The following CACNA1B variants were observed in gnomAD, a reference collection of about 807,000 sequenced individuals.
CACNA1B encodes calcium voltage-gated channel subunit alpha1 B, also known as voltage-dependent N-type calcium channel subunit alpha-1B.
CACNA1B carries 70 observed loss-of-function variants against 247.2 expected under a neutral mutation model. The ratio of observed to expected loss-of-function variants is 0.28; its 90% CI spans 0.23 to 0.35. The LOEUF (loss-of-function observed/expected upper bound fraction) is 0.35. Ranked by LOEUF, CACNA1B falls within the 10% of genes least tolerant of loss-of-function variation. CACNA1B has a pLI of 1.00. For missense variants in CACNA1B, 2,367 were observed against 3,197.4 expected (o/e 0.74, Z 6.26); for synonymous variants, 1,231 against 1,294.4 (o/e 0.95, Z 1.05).
At position 137,954,276 on chromosome 9, in the gene CACNA1B, G is replaced by A. The variant is rs1223720021; in HGVS notation, c.1071-1422G>A. 2.6e-5 allele frequency among the ~76,000 whole-genome samples: 4 copies of A among 152,180 alleles called. No individual in the cohort carries two copies. The highest frequency in any genetic ancestry group is 1.9e-4 in the East Asian group (1 of 5,182). ...AGCCTTGCTCTGTGGGAAAAGCCGC[G>A]GCTCTGCCATGTCTGGGCGAGAGCT... On this transcript the variant is annotated intron_variant, in intron 7 of 46. Coordinates refer to ENST00000371372, the MANE Select transcript of CACNA1B (RefSeq NM_000718.4). The surrounding 1 kb of genome is among the most constrained non-coding windows in gnomAD (Gnocchi z 4.1).
intron 32 of CACNA1B, among the ~76,000 whole-genome samples, chr9:138,071,561 C>G (rs892069701): frequency 6.6e-6 from 1 of 152,176 alleles, no homozygotes; most frequent in African/African-American, 2.4e-5. Context: ...CCGTCTCCTG[C>G]CCCCAGCCTC....
chr9:138,122,071 CG>C lies in CACNA1B; in HGVS notation c.*76del. ...CAGTGGATGAGTTTTATCATCCACA[CG>C]GGGCAGCCGGCCCTCGGGGGAGGCC... On this transcript the variant is annotated 3_prime_UTR_variant, in exon 47 of 47. Coordinates refer to ENST00000371372, the MANE Select transcript of CACNA1B (RefSeq NM_000718.4). 1.4e-6 allele frequency: 2 copies of C among 1,383,322 alleles called. No homozygotes were observed. The highest frequency in any genetic ancestry group is 1.9e-6 in the Non-Finnish European group (2 of 1,032,002). 85.7% of individuals were successfully genotyped at this position (1,383,322 alleles called of 1,614,324 possible). A position where few individuals can be genotyped will look rare whatever the true frequency, so the allele number is the denominator to read the frequency against.
At position 138,123,777 on chromosome 9, in the gene CACNA1B, C is replaced by T. The variant is rs1478193958; in HGVS notation, c.*1778C>T. On this transcript the variant is annotated 3_prime_UTR_variant, in exon 47 of 47. Coordinates refer to ENST00000371372, the MANE Select transcript of CACNA1B (RefSeq NM_000718.4). ...AATTTCCTTACCTGAAGGCACAACACTCTGAAACTTTAAAGATAACAGAGT... is the reference window on the plus strand; with the variant it reads ...AATTTCCTTACCTGAAGGCACAACATTCTGAAACTTTAAAGATAACAGAGT... 1.1e-4 allele frequency: 17 copies of T among 152,176 alleles called. No homozygotes were observed. The highest frequency in any genetic ancestry group is 1.1e-3 in the Admixed American group (17 of 15,278). 9.4% of individuals were successfully genotyped at this position (152,176 alleles called of 1,614,324 possible).
intron 26 of CACNA1B, among the ~76,000 whole-genome samples, chr9:138,055,936 G>A (rs922150744): frequency 1.4e-4 from 21 of 151,934 alleles, no homozygotes; most frequent in Non-Finnish European, 2.1e-4. Flanking sequence ...TGAGGCAGGC[G>A]AATCGCTTGA....
In CACNA1B at chr9:137,891,779, T is replaced by C; in HGVS notation, c.530+8896T>C. On this transcript the variant is annotated intron_variant, in intron 3 of 46. Transcript: ENST00000371372. The surrounding 1 kb of genome is among the most constrained non-coding windows in gnomAD (Gnocchi z 4.3). Reference sequence around the variant, plus strand: ...TGGAGGGGCCTCCACCCTGCGTGCCTGTGTGCAGCCCCACACGTGCTGAAG... The same window carrying C: ...TGGAGGGGCCTCCACCCTGCGTGCCCGTGTGCAGCCCCACACGTGCTGAAG... 3.0e-6 allele frequency: 1 copy of C among 337,410 alleles called. No homozygotes were observed. Among genetic ancestry groups the C allele is most frequent in the Non-Finnish European group, 5.9e-6 (1 of 170,234 alleles). 20.9% of individuals were successfully genotyped at this position (337,410 alleles called of 1,614,324 possible). A position where few individuals can be genotyped will look rare whatever the true frequency, so the allele number is the denominator to read the frequency against.
At chr9:137,906,040 C>T (rs1490321650) in intron 3 of CACNA1B, among the ~76,000 whole-genome samples, 1 of 152,180 alleles carries the variant, frequency 6.6e-6, no homozygotes, top group Non-Finnish European at 1.5e-5. Flanking sequence ...CTCAGAGGCC[C>T]AGTGGGCTGC....
At chr9:138,107,218 T>TTTTA (rs56043117) in intron 39 of CACNA1B, among the ~76,000 whole-genome samples, 42,997 of 135,358 alleles carry the variant, frequency 0.32, 7,686 homozygotes, top group South Asian at 0.38. Flanking sequence ...AATCATCTTA[T>TTTTA]TTTATTTATT....
intron 18 of CACNA1B, 91 bp from the exon 19 acceptor site, chr9:138,022,920 T>C: frequency 7.2e-7 from 1 of 1,379,408 alleles, no homozygotes; most frequent in Non-Finnish European, 9.3e-7. Flanking sequence ...CCCTGCGCCA[T>C]TACTCCATTG....
chr9:138,078,536 T>G (rs1313261469), intron 36 of CACNA1B, among the ~76,000 whole-genome samples: 2 of 152,224 alleles, frequency 1.3e-5, no homozygotes, highest in African/African-American at 2.4e-5. Flanking sequence ...TAGAAGGTCA[T>G]CCACTGTGGT....
At chr9:137,879,023 G>A (rs775231789) in intron 1 of CACNA1B, 31 bp from the exon 2 acceptor site, 3 of 1,442,812 alleles carry the variant, frequency 2.1e-6, no homozygotes, top group East Asian at 4.7e-5. Context: ...CCTCCGTGCG[G>A]CGTCTGCCGG....
chr9:138,102,458 C>A lies in CACNA1B; in HGVS notation c.5223-253C>A, dbSNP rs1305233293. On this transcript the variant is annotated intron_variant, in intron 37 of 46. Coordinates refer to ENST00000371372, the MANE Select transcript of CACNA1B (RefSeq NM_000718.4). The surrounding 1 kb of genome is among the most constrained non-coding windows in gnomAD (Gnocchi z 5.4). ...CTCAGACGCCACCCCCGCCCACTGC[C>A]CCGCGTGGGGCTGGAGTGAGGAGGT... 6.6e-6 allele frequency among the ~76,000 whole-genome samples: 1 copy of A among 152,160 alleles called. No individual in the cohort carries two copies. The highest frequency in any genetic ancestry group is 2.4e-5 in the African/African-American group (1 of 41,444).
intron 42 of CACNA1B, among the ~76,000 whole-genome samples, chr9:138,117,340 G>A (rs1347413602): frequency 1.3e-5 from 2 of 152,104 alleles, no homozygotes; most frequent in African/African-American, 4.8e-5. Flanking sequence ...CCTGAGGGAG[G>A]AAGCCCCTAG....
chr9:137,994,762 A>G lies in CACNA1B; in HGVS notation c.1974+7908A>G, dbSNP rs112243482. On this transcript the variant is annotated intron_variant, in intron 15 of 46. Coordinates refer to ENST00000371372, the MANE Select transcript of CACNA1B (RefSeq NM_000718.4). ...CCATGTTCATGTATGGGTAGAATCA[A>G]TATTGTGAAAATGACTATACTGCCA... is the stretch of plus-strand genomic sequence containing the variant. Among the ~76,000 whole-genome samples the G allele has an allele frequency of 9.5e-3, 1,441 of 152,380 alleles. 8 individuals are homozygous for G. The highest frequency in any genetic ancestry group is 0.012 in the South Asian group (58 of 4,830).
chr9:138,036,796 GCTT>G (rs1382031076), intron 20 of CACNA1B, among the ~76,000 whole-genome samples: 2 of 152,086 alleles, frequency 1.3e-5, no homozygotes, highest in Admixed American at 6.5e-5. Context: ...TTTCACTTAC[GCTT>G]CTTCTTGCTT....
intron 39 of CACNA1B, 124 bp from the exon 40 acceptor site, chr9:138,112,274 C>G (rs1173361060): frequency 1.4e-6 from 1 of 689,726 alleles, no homozygotes; most frequent in East Asian, 2.7e-5. Context: ...CCAGCACCGT[C>G]TGTACCCCAT....
Position 137,914,588 on chromosome 9 carries a change from C to A in CACNA1B, c.623-66C>A. 2 of 1,386,686 alleles carry A rather than the reference C, an allele frequency of 1.4e-6. No homozygotes were observed. Among genetic ancestry groups the A allele is most frequent in the Non-Finnish European group, 2.0e-6 (2 of 987,608 alleles). The allele number at this position is 1,386,686 out of a possible 1,614,324, so 85.9% of individuals were successfully genotyped here. A position where few individuals can be genotyped will look rare whatever the true frequency, so the allele number is the denominator to read the frequency against. On this transcript the variant is annotated intron_variant, in intron 4 of 46. Transcript: ENST00000371372. The surrounding 1 kb of genome is among the most constrained non-coding windows in gnomAD (Gnocchi z 4.3). ...CTAGGTTCCTGCTGTTCTGTCCCTG[C>A]CCCCACCAAATTCCTTGCCCTACCC...
chr9:137,926,687 T>A (rs2133298663), intron 6 of CACNA1B, among the ~76,000 whole-genome samples: 1 of 152,374 alleles, frequency 6.6e-6, no homozygotes, highest in Admixed American at 6.5e-5. Context: ...TTTCTGCACA[T>A]CCTCACCAAT....
rs1182934485 is a variant in CACNA1B at position 138,051,448 on chromosome 9, T to C, written c.3711-644T>C. ...GGTAGCATTGATATGTCTGTCTCTA[T>C]GGCTCTCCCTCCCTCCCTCCCTCCC... On this transcript the variant is annotated intron_variant, in intron 24 of 46. Transcript: ENST00000371372. This position sits in a 1 kb window ranked among gnomAD's most constrained non-coding sequence, Gnocchi z 4.3. 6.6e-6 allele frequency among the ~76,000 whole-genome samples: 1 copy of C among 151,272 alleles called. No individual in the cohort carries two copies. The highest frequency in any genetic ancestry group is 2.4e-5 in the African/African-American group (1 of 40,888).
intron 6 of CACNA1B, among the ~76,000 whole-genome samples, chr9:137,927,475 G>A (rs144171835): frequency 2.0e-5 from 3 of 152,180 alleles, no homozygotes; most frequent in South Asian, 2.1e-4. Flanking sequence ...CGCCCACCTC[G>A]GATTTGCTGA....
Sources: gnomAD v4.1 joint callset for allele counts (sites outside exome capture counted in the v4.1 genomes callset) on GRCh38, gnomAD v4.1.1 for gene constraint, Gnocchi (gnomAD v3.1) non-coding constraint, MANE v1.5 for transcripts, NCBI Gene and HGNC (gene_info 2026-07-23, HGNC 2026-07-21) for gene names.